MAGI2: variants seen among roughly 807,000 people sequenced by gnomAD.
MAGI2 encodes membrane associated guanylate kinase, WW and PDZ domain containing 2.
MAGI2 carries 35 observed loss-of-function variants against 133.3 expected under a neutral mutation model. The observed-to-expected ratio is 0.26, with a 90% CI of 0.20 to 0.35. The LOEUF is 0.35. Among genes scored for constraint, MAGI2 ranks in the 10% least tolerant of loss-of-function variants. The probability of loss-of-function intolerance (pLI) is 1.00; values close to 1 mark genes in which losing one functional copy is unlikely to be tolerated. For synonymous variants in MAGI2, 729 were observed against 710.6 expected, an observed-to-expected ratio of 1.03 and a Z score of -0.41; for missense variants, 1,636 against 1,863.4, an observed-to-expected ratio of 0.88 and a Z score of 2.25.
chr7:79,191,402 C>CTTTTTTTTTT lies in MAGI2; in HGVS notation c.302-184206_302-184197dup, dbSNP rs71095386. On this transcript the variant is annotated intron_variant, in intron 1 of 21. Coordinates refer to ENST00000354212, the MANE Select transcript of MAGI2 (RefSeq NM_012301.4). Reference sequence around the variant, plus strand: ...TCTTTTTTTCTTTTTCTTTTTCTTTCTTTTTTTTTTTTTTTTTTTTTTTTT... The same window carrying CTTTTTTTTTT: ...TCTTTTTTTCTTTTTCTTTTTCTTTCTTTTTTTTTTTTTTTTTTTTTTTTTTTTTTTTTTT... Among the ~76,000 whole-genome samples, 171 of 22,350 alleles carry CTTTTTTTTTT rather than the reference C, an allele frequency of 7.7e-3. 5 individuals are homozygous for CTTTTTTTTTT. The highest frequency in any genetic ancestry group is 0.071 in the Middle Eastern group (1 of 14). The allele number at this position is 22,350 out of a possible 152,430, so 14.7% of individuals were successfully genotyped here.
intron 1 of MAGI2, among the ~76,000 whole-genome samples, chr7:79,168,217 T>C (rs1825135784): frequency 1.3e-5 from 2 of 152,096 alleles, no homozygotes; most frequent in South Asian, 4.1e-4. Flanking sequence ...TTTCTGTGTG[T>C]GTGTCTTTAA....
intron 3 of MAGI2, chr7:78,614,526 A>G (rs1584850507): frequency 6.6e-6 from 1 of 152,158 alleles, no homozygotes; most frequent in East Asian, 1.9e-4. Context: ...GGGCAAAAGA[A>G]TATGCAGTTT....
chr7:79,378,706 G>T (rs1017671730), intron 1 of MAGI2, among the ~76,000 whole-genome samples: 1 of 151,224 alleles, frequency 6.6e-6, no homozygotes, highest in Non-Finnish European at 1.5e-5. Context: ...TGTTAATGCA[G>T]TTAACAAAGT....
chr7:78,934,129 C>T (rs1800341342), intron 2 of MAGI2, among the ~76,000 whole-genome samples: 1 of 152,010 alleles, frequency 6.6e-6, no homozygotes, highest in Admixed American at 6.6e-5. Flanking sequence ...AAGATGGAGT[C>T]TTGCTCTTGT....
At chr7:78,282,238 A>G (rs968245679) in intron 9 of MAGI2, among the ~76,000 whole-genome samples, 1 of 151,984 alleles carries the variant, frequency 6.6e-6, no homozygotes, top group Non-Finnish European at 1.5e-5. Context: ...CTTTACCTTG[A>G]TTTTCCCTGT....
intron 1 of MAGI2, among the ~76,000 whole-genome samples, chr7:79,348,504 C>T (rs772092643): frequency 2.6e-5 from 4 of 151,882 alleles, no homozygotes; most frequent in Non-Finnish European, 5.9e-5. Context: ...TTATAATGAC[C>T]TTGATGGTCA....
chr7:78,982,655 C>A (rs1270333494), intron 2 of MAGI2, among the ~76,000 whole-genome samples: 1 of 151,786 alleles, frequency 6.6e-6, no homozygotes, highest in Non-Finnish European at 1.5e-5. Flanking sequence ...ATCCAAGAAA[C>A]ACAAAATCCC....
chr7:78,540,326 C>G (rs1798309275), intron 3 of MAGI2, among the ~76,000 whole-genome samples: 1 of 152,152 alleles, frequency 6.6e-6, no homozygotes, highest in East Asian at 1.9e-4. Flanking sequence ...TTATGGCTGC[C>G]TCTGTTGTAT....
rs1820126551 is a variant in MAGI2, at chr7:78,720,176, A to C, written c.419-92937T>G. Reference sequence around the variant, plus strand: ...AATTACAAATAAATCCTGCCTTCCTAAGAGGGATAAATTTAGAAGCAACAT... The same window carrying C: ...AATTACAAATAAATCCTGCCTTCCTCAGAGGGATAAATTTAGAAGCAACAT... On this transcript the variant is annotated intron_variant, in intron 2 of 21. Transcript: ENST00000354212. 2.0e-5 allele frequency among the ~76,000 whole-genome samples: 3 copies of C among 152,262 alleles called. No homozygotes were observed. The South Asian group carries it at 6.2e-4, about 32-fold the overall frequency.
At chr7:79,413,081 C>G (rs1307085797) in intron 1 of MAGI2, 7 of 152,144 alleles carry the variant, frequency 4.6e-5, no homozygotes, top group Non-Finnish European at 1.0e-4. Context: ...TGTCAATGCT[C>G]ATGAACAACT....
At chr7:79,119,145 C>T (rs961376717) in intron 1 of MAGI2, among the ~76,000 whole-genome samples, 2 of 152,088 alleles carry the variant, frequency 1.3e-5, no homozygotes, top group Admixed American at 6.6e-5. Context: ...AGGGAGAAAT[C>T]AGCGAAGTAA....
intron 13 of MAGI2, among the ~76,000 whole-genome samples, chr7:78,183,340 A>T (rs200472596): frequency 1.4e-5 from 2 of 146,534 alleles, no homozygotes; most frequent in East Asian, 4.0e-4. Flanking sequence ...ATCTTGGCTC[A>T]CTGCAACCTC....
intron 3 of MAGI2, among the ~76,000 whole-genome samples, chr7:78,533,052 C>T (rs905128800): frequency 1.3e-5 from 2 of 152,056 alleles, no homozygotes; most frequent in African/African-American, 4.8e-5. Flanking sequence ...TGCCATTCTC[C>T]TGCCTCAGCC....
At chr7:79,032,727 G>T (rs1417159977) in intron 1 of MAGI2, among the ~76,000 whole-genome samples, 1 of 151,836 alleles carries the variant, frequency 6.6e-6, no homozygotes, top group African/African-American at 2.4e-5. Context: ...TAAAAGGAAA[G>T]AGTTTCTAAA....
In MAGI2 at chr7:78,945,037, C is replaced by A. The variant is rs1482092206; in HGVS notation, c.418+62053G>T. The stretch of plus-strand genomic sequence containing the variant: ...TACAGGCATGAGCCACTGTGCCCAG[C>A]CTCATTATTAAATTAAATTAATTAA... On this transcript the variant is annotated intron_variant, in intron 2 of 21. Transcript: ENST00000354212. Among the ~76,000 whole-genome samples, 9 of 151,956 alleles carry A rather than the reference C, an allele frequency of 5.9e-5. No individual in the cohort carries two copies. The East Asian group carries it at 1.2e-3, about 20-fold the overall frequency.
intron 1 of MAGI2, among the ~76,000 whole-genome samples, chr7:79,255,310 C>T (rs1833604664): frequency 6.6e-6 from 1 of 152,078 alleles, no homozygotes; most frequent in Non-Finnish European, 1.5e-5. Flanking sequence ...TTGAAAGGTA[C>T]AGTTTTGACT....
intron 1 of MAGI2, among the ~76,000 whole-genome samples, chr7:79,432,104 G>A (rs1847817290): frequency 6.6e-6 from 1 of 152,166 alleles, no homozygotes; most frequent in Admixed American, 6.5e-5. Flanking sequence ...TGAGGACAGT[G>A]GAAAACAAGC....
intron 2 of MAGI2, among the ~76,000 whole-genome samples, chr7:78,633,574 C>A (rs986528312): frequency 6.7e-6 from 1 of 148,542 alleles, no homozygotes; most frequent in Admixed American, 6.7e-5. Context: ...GGCGTGGTGG[C>A]GGGCGCCTGT....
chr7:78,446,902 T>C (rs531428449), intron 6 of MAGI2, among the ~76,000 whole-genome samples: 5 of 152,204 alleles, frequency 3.3e-5, no homozygotes, highest in African/African-American at 9.6e-5. Flanking sequence ...GTGACTATTA[T>C]ACTTAACTTC....
Sources: allele counts gnomAD v4.1 joint callset (sites outside exome capture counted in the v4.1 genomes callset), GRCh38; gene constraint gnomAD v4.1.1; transcripts MANE v1.5; gene names NCBI Gene and HGNC (gene_info 2026-07-23, HGNC 2026-07-21).